Variants in POLD3 observed in about 807,000 individuals in gnomAD.
POLD3 encodes DNA polymerase delta 3, accessory subunit, also known as DNA polymerase delta subunit 3.
Under a neutral mutation model 58.2 loss-of-function variants are expected in POLD3, and 19 were observed. That is an observed-to-expected ratio of 0.33 (90% CI 0.23 to 0.48). The LOEUF (loss-of-function observed/expected upper bound fraction) is 0.48. POLD3 is among the 20% of genes least tolerant of loss of function. The pLI is 0.99. For synonymous variants in POLD3, 172 were observed against 193.5 expected (o/e 0.89, Z 0.92); for missense variants, 504 against 545.5 (o/e 0.92, Z 0.76).
rs2031073338 is a variant in POLD3, at chr11:74,592,664, G to C, written c.6G>C (p.Ala2=). 1.9e-6 allele frequency: 3 copies of C among 1,612,898 alleles called. No homozygotes were observed. The African/African-American group carries it at 4.0e-5, about 21-fold the overall frequency. Residue 2 remains alanine, a synonymous_variant, in exon 1 of 12, where the codon GCG becomes GCC. Transcript: ENST00000263681. M[A]DQLYLENIDE... ...GGTCCCAGCGCTGCCGCACCATGGC[G>C]GACCAGCTTTATCTGGAAAATATAG...
At chr11:74,662,921 C>G (rs926856810) in intron 4 of POLD3, among the ~76,000 whole-genome samples, 1 of 152,228 alleles carries the variant, frequency 6.6e-6, no homozygotes, top group African/African-American at 2.4e-5. Context: ...GGACACACAT[C>G]TGCTGAGTTC....
intron 2 of POLD3, among the ~76,000 whole-genome samples, chr11:74,596,721 A>C (rs1409467832): frequency 6.6e-6 from 1 of 152,126 alleles, no homozygotes; most frequent in African/African-American, 2.4e-5. Context: ...ATTCCTGTCT[A>C]ACTGTAATTA....
In POLD3 at chr11:74,641,969, G is replaced by T; in HGVS notation, c.*1203G>T. On this transcript the variant is annotated 3_prime_UTR_variant, in exon 12 of 12. Transcript: ENST00000263681. ...AGTGACTTCCATTATGGCTGGACAGGCGGTGAGCTCAGTGGATTGCAGTGG... is the reference window on the plus strand; with the variant it reads ...AGTGACTTCCATTATGGCTGGACAGTCGGTGAGCTCAGTGGATTGCAGTGG... 1.0e-6 allele frequency: 1 copy of T among 985,460 alleles called. No individual in the cohort carries two copies. Among genetic ancestry groups the T allele is most frequent in the Non-Finnish European group, 1.2e-6 (1 of 829,950 alleles). The allele number at this position is 985,460 out of a possible 1,614,324, so 61.0% of individuals were successfully genotyped here. A position where few individuals can be genotyped will look rare whatever the true frequency, so the allele number is the denominator to read the frequency against.
chr11:74,612,772 A>G, intron 4 of POLD3, 106 bp from the exon 5 acceptor site: 1 of 931,154 alleles, frequency 1.1e-6, no homozygotes, highest in Non-Finnish European at 1.6e-6. Context: ...AGTTTTTTGG[A>G]CCACCACAGA....
chr11:74,609,642 A>G (rs2031839215), intron 3 of POLD3, among the ~76,000 whole-genome samples: 1 of 151,744 alleles, frequency 6.6e-6, no homozygotes, highest in East Asian at 1.9e-4. Flanking sequence ...CGGCCTCCCA[A>G]AGTGCTGAGA....
chr11:74,613,627 T>C (rs928774634), intron 5 of POLD3, among the ~76,000 whole-genome samples: 1 of 152,202 alleles, frequency 6.6e-6, no homozygotes, highest in Non-Finnish European at 1.5e-5. Context: ...ATGTCTCCTT[T>C]GTGGGGTTGT....
chr11:74,667,311 A>G (rs192370552), intron 4 of POLD3, among the ~76,000 whole-genome samples: 227 of 152,288 alleles, frequency 1.5e-3, no homozygotes, highest in African/African-American at 5.0e-3. Context: ...CGAGGCGGGC[A>G]GATCACAAGG....
At chr11:74,644,391 A>C (rs1591324128), downstream of POLD3, among the ~76,000 whole-genome samples, 1 of 152,216 alleles carries the variant, frequency 6.6e-6, no homozygotes, top group Non-Finnish European at 1.5e-5. Flanking sequence ...TGTTGTGAGA[A>C]GGCAGTATTG....
chr11:74,599,654 G>T (rs966059443), intron 2 of POLD3, among the ~76,000 whole-genome samples: 9 of 152,016 alleles, frequency 5.9e-5, no homozygotes, highest in Admixed American at 5.9e-4. Flanking sequence ...GAGCCACCGT[G>T]CCTGGCCTCA....
chr11:74,645,950 T>G (rs1340696507), downstream of POLD3, among the ~76,000 whole-genome samples: 3 of 152,062 alleles, frequency 2.0e-5, no homozygotes, highest in African/African-American at 7.2e-5. Context: ...GTTTTTTTTT[T>G]TTTTTTAAGA....
intron 2 of POLD3, among the ~76,000 whole-genome samples, chr11:74,599,660 CCTCAT>C (rs2031413139): frequency 6.6e-6 from 1 of 152,112 alleles, no homozygotes; most frequent in Non-Finnish European, 1.5e-5. Flanking sequence ...CCGTGCCTGG[CCTCAT>C]ACTGTTTTTT....
At chr11:74,647,788 G>T (rs898451080), downstream of POLD3, among the ~76,000 whole-genome samples, 3 of 152,102 alleles carry the variant, frequency 2.0e-5, no homozygotes, top group African/African-American at 7.2e-5. Flanking sequence ...CCCAGCACTG[G>T]TGCATTAAAT....
At chr11:74,651,264 C>T (rs978255829) in intron 4 of POLD3, among the ~76,000 whole-genome samples, 2 of 152,250 alleles carry the variant, frequency 1.3e-5, no homozygotes, top group South Asian at 4.1e-4. Flanking sequence ...GCCTCTTCTA[C>T]TCACTGGCCA....
chr11:74,610,519 A>G (rs1403298340), intron 3 of POLD3, among the ~76,000 whole-genome samples: 1 of 151,972 alleles, frequency 6.6e-6, no homozygotes, highest in African/African-American at 2.4e-5. Context: ...TTTCTTGCCC[A>G]TTTTCTAAAG....
intron 7 of POLD3, among the ~76,000 whole-genome samples, chr11:74,621,131 G>A (rs761621362): frequency 3.9e-5 from 6 of 152,190 alleles, no homozygotes; most frequent in Non-Finnish European, 8.8e-5. Context: ...TCCTACTTCT[G>A]TTAAAACAGG....
chr11:74,625,871 T>TTGTGTGTGTGTGTGTGTGTGTG, intron 8 of POLD3, among the ~76,000 whole-genome samples: 1 of 143,680 alleles, frequency 7.0e-6, no homozygotes, highest in Admixed American at 6.9e-5. Flanking sequence ...GTGTGCCTAG[T>TTGTGTGTGTGTGTGTGTGTGTG]TGTGTGTGTG....
chr11:74,619,366 C>CTAT (rs144224600), intron 6 of POLD3, among the ~76,000 whole-genome samples: 18,590 of 152,022 alleles, frequency 0.12, 1,424 homozygotes, highest in African/African-American at 0.22. Context: ...ATTGTTGTTA[C>CTAT]TATTATTATT....
chr11:74,643,335 A>G (rs1479477264), downstream of POLD3, among the ~76,000 whole-genome samples: 1 of 152,208 alleles, frequency 6.6e-6, no homozygotes, highest in African/African-American at 2.4e-5. Context: ...ATAGATGCCT[A>G]TATTTACTGT....
chr11:74,608,402 T>G (rs1713912820), intron 3 of POLD3, among the ~76,000 whole-genome samples: 1 of 152,208 alleles, frequency 6.6e-6, no homozygotes, highest in Admixed American at 6.5e-5. Context: ...ATTACAGGCA[T>G]GAACCACGGC....
Sources: allele counts gnomAD v4.1 joint callset (sites outside exome capture counted in the v4.1 genomes callset), GRCh38; gene constraint gnomAD v4.1.1; transcripts MANE v1.5; gene names NCBI Gene and HGNC (gene_info 2026-07-23, HGNC 2026-07-21).